CNTNAP5: variants seen among roughly 807,000 people sequenced by gnomAD.
The protein encoded by CNTNAP5 is contactin-associated protein-like 5.
CNTNAP5 carries 72 observed loss-of-function variants against 150.2 expected under a neutral mutation model. The observed-to-expected ratio is 0.48, with a 90% CI of 0.40 to 0.58. The LOEUF is 0.58. Among genes scored for constraint, CNTNAP5 ranks in the 20% least tolerant of loss-of-function variants. The pLI is 0.00. For missense variants in CNTNAP5, 1,636 were observed against 1,626.2 expected (o/e 1.01, Z -0.10); for synonymous variants, 672 against 619.8 (o/e 1.08, Z -1.25).
chr2:124,039,697 T>A (rs1681314579), intron 1 of CNTNAP5, among the ~76,000 whole-genome samples: 1 of 152,144 alleles, frequency 6.6e-6, no homozygotes, highest in African/African-American at 2.4e-5. Flanking sequence ...ATCCTTTTAT[T>A]TAGGTCTACA....
intron 21 of CNTNAP5, among the ~76,000 whole-genome samples, chr2:124,878,913 C>A (rs1677913654): frequency 6.6e-6 from 1 of 152,034 alleles, no homozygotes; most frequent in South Asian, 2.1e-4. Flanking sequence ...AAACTCCTGA[C>A]CTCCAGTAAT....
intron 4 of CNTNAP5, among the ~76,000 whole-genome samples, chr2:124,420,013 A>G (rs1490046891): frequency 3.5e-5 from 1 of 28,306 alleles, no homozygotes; most frequent in Non-Finnish European, 7.7e-5. Context: ...TTTTTTTGAG[A>G]TGGAGCCTCG....
At chr2:124,751,508 C>T (rs1680727428) in intron 14 of CNTNAP5, among the ~76,000 whole-genome samples, 1 of 152,228 alleles carries the variant, frequency 6.6e-6, no homozygotes, top group Non-Finnish European at 1.5e-5. Flanking sequence ...ATCTATCAAA[C>T]TCTACTATTT....
chr2:124,793,098 T>G (rs1681771322), intron 18 of CNTNAP5, among the ~76,000 whole-genome samples: 1 of 152,240 alleles, frequency 6.6e-6, no homozygotes, highest in Admixed American at 6.5e-5. Flanking sequence ...TTAATCTTTT[T>G]GAGGAACTTC....
intron 13 of CNTNAP5, among the ~76,000 whole-genome samples, chr2:124,711,872 A>T (rs926258591): frequency 6.6e-6 from 1 of 152,284 alleles, no homozygotes; most frequent in South Asian, 2.1e-4. Flanking sequence ...TTATATTTGG[A>T]CAGTTCTAGT....
In CNTNAP5 at chr2:124,041,648, TG is replaced by T. The variant is rs547894095; in HGVS notation, c.82+15918del. On this transcript the variant is annotated intron_variant, in intron 1 of 23. Transcript: ENST00000682447. ...ATATGGTAGGGTCTGGAGACATTTT[TG>T]GTTGTCACAGCTTGGGGGTTTCTAT... 8.5e-5 allele frequency among the ~76,000 whole-genome samples: 13 copies of T among 152,310 alleles called. No homozygotes were observed. In the South Asian group the frequency reaches 2.7e-3, roughly 32 times the overall value.
At chr2:124,329,489 G>A (rs962103900) in intron 3 of CNTNAP5, among the ~76,000 whole-genome samples, 5 of 152,148 alleles carry the variant, frequency 3.3e-5, no homozygotes, top group Non-Finnish European at 4.4e-5. Context: ...TGCTTCTACA[G>A]TCTTCCAACT....
intron 10 of CNTNAP5, among the ~76,000 whole-genome samples, chr2:124,534,262 C>T (rs796690103): frequency 1.4e-4 from 21 of 151,578 alleles, no homozygotes; most frequent in African/African-American, 3.1e-4. Flanking sequence ...TTGGATCTCG[C>T]GCAATAAAAA....
intron 1 of CNTNAP5, among the ~76,000 whole-genome samples, chr2:124,127,863 A>C (rs1683748615): frequency 6.6e-6 from 1 of 152,218 alleles, no homozygotes; most frequent in Non-Finnish European, 1.5e-5. Context: ...CCATATGTAG[A>C]AAGCTGAAAC....
At chr2:124,167,573 G>A (rs560923621) in intron 1 of CNTNAP5, among the ~76,000 whole-genome samples, 5 of 152,234 alleles carry the variant, frequency 3.3e-5, no homozygotes, top group Admixed American at 6.5e-5. Context: ...TTTCACTACC[G>A]TGTACTCTCC....
intron 3 of CNTNAP5, among the ~76,000 whole-genome samples, chr2:124,348,356 A>T (rs997495970): frequency 2.0e-5 from 3 of 152,084 alleles, no homozygotes; most frequent in Non-Finnish European, 2.9e-5. Flanking sequence ...CTCCAGTATA[A>T]TGTTGAATAA....
intron 3 of CNTNAP5, among the ~76,000 whole-genome samples, chr2:124,371,848 G>A (rs953343290): frequency 6.6e-6 from 1 of 152,074 alleles, no homozygotes; most frequent in African/African-American, 2.4e-5. Context: ...CTGCTGCACT[G>A]GGTAGAACTA....
intron 3 of CNTNAP5, among the ~76,000 whole-genome samples, chr2:124,333,609 C>A (rs1423933372): frequency 6.6e-6 from 1 of 152,034 alleles, no homozygotes; most frequent in Non-Finnish European, 1.5e-5. Context: ...AGTTTAGAAG[C>A]CTGTTTTAAA....
At chr2:124,345,020 A>G (rs1411695568) in intron 3 of CNTNAP5, among the ~76,000 whole-genome samples, 1 of 152,020 alleles carries the variant, frequency 6.6e-6, no homozygotes, top group African/African-American at 2.4e-5. Context: ...AGACCTTTTA[A>G]TTTTCTTTGC....
intron 3 of CNTNAP5, among the ~76,000 whole-genome samples, chr2:124,354,346 AC>A (rs1689947614): frequency 6.6e-6 from 1 of 152,200 alleles, no homozygotes; most frequent in African/African-American, 2.4e-5. Context: ...AGTAATGTCT[AC>A]TGACAAATCT....
rs571275435 is a variant in CNTNAP5, at chr2:124,216,724, A to G, written c.83-4981A>G. On this transcript the variant is annotated intron_variant, in intron 1 of 23. Transcript: ENST00000682447. ...TCCCTACAAAGGACATGAACTCATC[A>G]TTTTTTATGGCTGCATAGTATTCCA... 5.0e-3 allele frequency among the ~76,000 whole-genome samples: 768 copies of G among 152,158 alleles called. 7 individuals are homozygous for G. Among genetic ancestry groups the G allele is most frequent in the African/African-American group, 0.018 (745 of 41,522 alleles).
At chr2:124,793,531 G>T (rs1237384425) in intron 18 of CNTNAP5, among the ~76,000 whole-genome samples, 1 of 152,022 alleles carries the variant, frequency 6.6e-6, no homozygotes, top group Non-Finnish European at 1.5e-5. Flanking sequence ...TTTAAATTCT[G>T]ATCAAGTTCA....
chr2:124,388,440 C>G (rs1690990850), intron 3 of CNTNAP5, among the ~76,000 whole-genome samples: 1 of 152,194 alleles, frequency 6.6e-6, no homozygotes, highest in Admixed American at 6.5e-5. Context: ...CCTGCGGGCT[C>G]TAGCCTTCCC....
At chr2:124,372,273 C>T (rs1208530949) in intron 3 of CNTNAP5, among the ~76,000 whole-genome samples, 3 of 152,046 alleles carry the variant, frequency 2.0e-5, no homozygotes, top group Non-Finnish European at 4.4e-5. Flanking sequence ...ATACTGGGGA[C>T]TGTGCTATTG....
Sources: gnomAD v4.1 joint callset for allele counts (sites outside exome capture counted in the v4.1 genomes callset) on GRCh38, gnomAD v4.1.1 for gene constraint, MANE v1.5 for transcripts, NCBI Gene and HGNC (gene_info 2026-07-23, HGNC 2026-07-21) for gene names.